Variants in CUX1 observed in about 807,000 individuals in gnomAD.
CUX1 encodes cut like homeobox 1.
A neutral mutation model predicts 158.8 loss-of-function variants in CUX1; 31 were observed. That is an observed-to-expected ratio of 0.20 (90% CI 0.15 to 0.26). CUX1 has a LOEUF of 0.26. CUX1 is among the 10% of genes least tolerant of loss of function. The pLI is 1.00. For synonymous variants in CUX1, 879 were observed against 862.1 expected, an observed-to-expected ratio of 1.02 and a Z score of -0.34; for missense variants, 1,589 against 2,014.6, an observed-to-expected ratio of 0.79 and a Z score of 4.04.
intron 1 of CUX1, among the ~76,000 whole-genome samples, chr7:101,877,053 AAGT>A (rs1799219592): frequency 6.6e-6 from 1 of 152,208 alleles, no homozygotes; most frequent in Non-Finnish European, 1.5e-5. Flanking sequence ...AAATTTCTAA[AAGT>A]AGAAGTGAAC....
chr7:102,004,129 C>G (rs1018248470), intron 2 of CUX1, among the ~76,000 whole-genome samples: 1 of 152,184 alleles, frequency 6.6e-6, no homozygotes, highest in Admixed American at 6.5e-5. Context: ...ACCAGGTGAG[C>G]TATCCTCACC....
At chr7:102,018,214 G>A (rs35462477) in intron 2 of CUX1, among the ~76,000 whole-genome samples, 4,279 of 152,246 alleles carry the variant, frequency 0.028, 88 homozygotes, top group Non-Finnish European at 0.034. Context: ...TCCTGTCTGG[G>A]CCTCCCAACG....
At chr7:102,178,280 G>C (rs782421917) in intron 10 of CUX1, among the ~76,000 whole-genome samples, 189 bp from the exon 11 acceptor site, 4 of 152,194 alleles carry the variant, frequency 2.6e-5, no homozygotes, top group Non-Finnish European at 5.9e-5. Context: ...AATGAATCGA[G>C]GTGGCAGCTA....
In CUX1 at chr7:101,869,274, G is replaced by A. The variant is rs577247330; in HGVS notation, c.31-46841G>A. ...CGAGAGGAGCATCACTGTGTCCAGA[G>A]GACGCGGTGCCTTTCAGACCCCTTG... is the stretch of plus-strand genomic sequence containing the variant. On this transcript the variant is annotated intron_variant, in intron 1 of 23. Coordinates refer to ENST00000292535, the MANE Select transcript of CUX1 (RefSeq NM_181552.4). This position sits in a 1 kb window ranked among gnomAD's most constrained non-coding sequence, Gnocchi z 4.5. 3.3e-5 allele frequency among the ~76,000 whole-genome samples: 5 copies of A among 152,184 alleles called. No homozygotes were observed. In the South Asian group the frequency reaches 1.0e-3, roughly 31 times the overall value.
At chr7:102,164,132 G>C (rs1201857029) in intron 9 of CUX1, among the ~76,000 whole-genome samples, 1 of 151,296 alleles carries the variant, frequency 6.6e-6, no homozygotes, top group Non-Finnish European at 1.5e-5. Flanking sequence ...CGTCCCGTCC[G>C]GGGGCTTTCA....
At chr7:101,839,753 C>T (rs1476540011) in intron 1 of CUX1, among the ~76,000 whole-genome samples, 1 of 150,924 alleles carries the variant, frequency 6.6e-6, no homozygotes, top group Non-Finnish European at 1.5e-5. Flanking sequence ...AATAATTTGT[C>T]AATTTTCTTT....
intron 1 of CUX1, among the ~76,000 whole-genome samples, chr7:101,893,496 C>A (rs1431354175): frequency 6.6e-6 from 1 of 152,074 alleles, no homozygotes; most frequent in South Asian, 2.1e-4. Flanking sequence ...TGGTAAGAAG[C>A]GCGTTTGGGG....
chr7:102,028,697 G>A (rs1410089497), intron 3 of CUX1, among the ~76,000 whole-genome samples: 2 of 152,208 alleles, frequency 1.3e-5, no homozygotes, highest in African/African-American at 2.4e-5. Context: ...CAGACGGCAC[G>A]TGGGTGGCAA....
intron 2 of CUX1, among the ~76,000 whole-genome samples, chr7:102,017,787 C>T (rs959040618): frequency 6.6e-6 from 1 of 152,140 alleles, no homozygotes; most frequent in East Asian, 1.9e-4. Flanking sequence ...GCGGAGGTTG[C>T]AGTAAGCCAA....
At chr7:102,265,472 C>CTGTT (rs1397719942) in intron 14 of CUX1, among the ~76,000 whole-genome samples, 1 of 151,984 alleles carries the variant, frequency 6.6e-6, no homozygotes. Context: ...GGGTCTCACT[C>CTGTT]TGTTGCCCAG....
At chr7:102,137,184 A>G (rs1292866297) in intron 8 of CUX1, among the ~76,000 whole-genome samples, 7 of 152,162 alleles carry the variant, frequency 4.6e-5, no homozygotes, top group African/African-American at 1.4e-4. Flanking sequence ...GTCCCTTTCC[A>G]TGTTAATCAA....
At chr7:101,879,086 C>T (rs1799451375) in intron 1 of CUX1, among the ~76,000 whole-genome samples, 1 of 152,252 alleles carries the variant, frequency 6.6e-6, no homozygotes, top group Non-Finnish European at 1.5e-5. Flanking sequence ...TTTGCAGGAA[C>T]TCAAACCAAT....
intron 1 of CUX1, among the ~76,000 whole-genome samples, chr7:101,826,854 ATCGCCACACAGGCCCCCACTC>A (rs1793360861): frequency 6.6e-6 from 1 of 152,152 alleles, no homozygotes; most frequent in Non-Finnish European, 1.5e-5. Flanking sequence ...CCACCACACC[ATCGCCACACAGGCCCCCACTC>A]TCTGCCTTGT....
At chr7:101,900,815 C>T (rs979170266) in intron 1 of CUX1, among the ~76,000 whole-genome samples, 1 of 152,144 alleles carries the variant, frequency 6.6e-6, no homozygotes, top group African/African-American at 2.4e-5. Flanking sequence ...TCACCTATAA[C>T]TGTGATAGCT....
intron 9 of CUX1, among the ~76,000 whole-genome samples, chr7:102,160,252 C>A (rs1554506652): frequency 6.6e-6 from 1 of 152,098 alleles, no homozygotes; most frequent in Non-Finnish European, 1.5e-5. Context: ...CAAGTTTCCA[C>A]CGACTCCACC....
Position 102,070,535 on chromosome 7 carries a change from T to C in CUX1, c.268+118T>C, listed in dbSNP as rs73405991. The C allele has an allele frequency of 2.0e-4, 141 of 707,222 alleles. No individual in the cohort carries two copies. The African/African-American group carries it at 2.3e-3, about 12-fold the overall frequency. 43.8% of individuals were successfully genotyped at this position (707,222 alleles called of 1,614,324 possible). A position where few individuals can be genotyped will look rare whatever the true frequency, so the allele number is the denominator to read the frequency against. The stretch of plus-strand genomic sequence containing the variant: ...AAATAAATACACCATCAGTGGCAAC[T>C]TCCCCCCAAGAAACCAGGGAGTGCA... On this transcript the variant is annotated intron_variant, in intron 4 of 23. Transcript: ENST00000292535.
intron 11 of CUX1, 55 bp downstream of exon 11, chr7:102,178,712 A>G: frequency 2.7e-6 from 4 of 1,497,580 alleles, no homozygotes; most frequent in Non-Finnish European, 3.6e-6. Context: ...GGATGGCTGG[A>G]CACACGCGCA....
chr7:102,125,048 C>T (rs1563277125), intron 8 of CUX1, among the ~76,000 whole-genome samples: 1 of 152,132 alleles, frequency 6.6e-6, no homozygotes, highest in Non-Finnish European at 1.5e-5. Context: ...TTCTAAAGTG[C>T]TGGATTTACA....
Position 101,903,607 on chromosome 7 carries a change from C to T in CUX1, c.31-12508C>T, listed in dbSNP as rs898515289. ...GTAATCCATAAAGCAGAGCCCTTCT[C>T]GTTAGGGCTGAGAATTATCCTCCCC... On this transcript the variant is annotated intron_variant, in intron 1 of 23. Coordinates refer to ENST00000292535, the MANE Select transcript of CUX1 (RefSeq NM_181552.4). 4.6e-5 allele frequency among the ~76,000 whole-genome samples: 7 copies of T among 152,336 alleles called. 1 individual carries two copies. The South Asian group carries it at 6.2e-4, about 14-fold the overall frequency.
Sources: allele counts gnomAD v4.1 joint callset (sites outside exome capture counted in the v4.1 genomes callset), GRCh38; gene constraint gnomAD v4.1.1; non-coding constraint Gnocchi (gnomAD v3.1); transcripts MANE v1.5; gene names NCBI Gene and HGNC (gene_info 2026-07-23, HGNC 2026-07-21).